STK32B: variants seen among roughly 807,000 people sequenced by gnomAD.
STK32B encodes serine/threonine-protein kinase 32B.
STK32B carries 43 observed loss-of-function variants against 52.6 expected under a neutral mutation model. The observed-to-expected ratio is 0.82, with a 90% CI of 0.64 to 1.05. STK32B has a LOEUF of 1.05. STK32B is among the 50% of genes least tolerant of loss of function. The pLI is 0.00. For missense variants in STK32B, 621 were observed against 534.6 expected (o/e 1.16, Z -1.59); for synonymous variants, 238 against 204.3 (o/e 1.17, Z -1.41).
intron 4 of STK32B, among the ~76,000 whole-genome samples, chr4:5,345,050 A>T (rs77356069): frequency 0.065 from 9,559 of 147,008 alleles, 449 homozygotes; most frequent in East Asian, 0.17. Context: ...TAATATAATT[A>T]AAAAAAAAAA....
Position 5,319,934 on chromosome 4 carries a change from T to C in STK32B, c.261-11286T>C, listed in dbSNP as rs140090241. On this transcript the variant is annotated intron_variant, in intron 3 of 11. Coordinates refer to ENST00000282908, the MANE Select transcript of STK32B (RefSeq NM_018401.3). Reference sequence around the variant, plus strand: ...CCTTGCCCCACTTAGCCATGTCTTATGTGGATGCAACTTACTGAGAAACCT... The same window carrying C: ...CCTTGCCCCACTTAGCCATGTCTTACGTGGATGCAACTTACTGAGAAACCT... Among the ~76,000 whole-genome samples, 185 of 152,246 alleles carry C rather than the reference T, an allele frequency of 1.2e-3. 4 individuals carry two copies. The East Asian group carries it at 0.033, about 27-fold the overall frequency.
At chr4:5,153,365 T>C (rs1251210090) in intron 2 of STK32B, among the ~76,000 whole-genome samples, 1 of 152,114 alleles carries the variant, frequency 6.6e-6, no homozygotes, top group East Asian at 1.9e-4. Context: ...AAAGTAATGA[T>C]TATAATGGAT....
chr4:5,340,791 A>G (rs1733023136), intron 4 of STK32B, among the ~76,000 whole-genome samples: 2 of 152,242 alleles, frequency 1.3e-5, no homozygotes, highest in African/African-American at 4.8e-5. Flanking sequence ...GTATATATGC[A>G]CATGGGGTAT....
At chr4:5,084,430 A>T (rs28713396) in intron 1 of STK32B, among the ~76,000 whole-genome samples, 5,985 of 152,276 alleles carry the variant, frequency 0.039, 384 homozygotes, top group African/African-American at 0.14. Context: ...AAATTATGAT[A>T]ATTCCCTAAA....
At chr4:5,330,004 T>G (rs1330860875) in intron 3 of STK32B, among the ~76,000 whole-genome samples, 1 of 152,172 alleles carries the variant, frequency 6.6e-6, no homozygotes, top group Non-Finnish European at 1.5e-5. Flanking sequence ...TGGAACATAG[T>G]GTGGGTGCAT....
At chr4:5,209,328 C>A (rs1722768594) in intron 3 of STK32B, among the ~76,000 whole-genome samples, 1 of 152,126 alleles carries the variant, frequency 6.6e-6, no homozygotes, top group South Asian at 2.1e-4. Context: ...TTCAAGTAAT[C>A]CTCCCACCTC....
At chr4:5,411,237 G>A (rs980238896) in intron 5 of STK32B, among the ~76,000 whole-genome samples, 22 of 151,972 alleles carry the variant, frequency 1.4e-4, no homozygotes, top group African/African-American at 4.8e-4. Flanking sequence ...GGGTTTCACT[G>A]TGTTAGCCAG....
chr4:5,140,540 G>A (rs1443568032), intron 2 of STK32B, among the ~76,000 whole-genome samples: 1 of 152,028 alleles, frequency 6.6e-6, no homozygotes, highest in African/African-American at 2.4e-5. Context: ...TTTACAGATG[G>A]AAAAGCTTAG....
rs193187103 is a variant in STK32B at position 5,125,698 on chromosome 4, C to T, written c.53-14207C>T. 1.4e-4 allele frequency among the ~76,000 whole-genome samples: 22 copies of T among 152,306 alleles called. No homozygotes were observed. The East Asian group carries it at 2.1e-3, about 15-fold the overall frequency. ...TGGTTTTCCTCTCTACTCTCATCCC[C>T]GCACCTCTGTTCTCTCACTTTCTAT... On this transcript the variant is annotated intron_variant, in intron 1 of 11. Transcript: ENST00000282908.
chr4:5,165,584 C>T (rs959661621), intron 2 of STK32B, among the ~76,000 whole-genome samples: 5 of 152,054 alleles, frequency 3.3e-5, no homozygotes, highest in African/African-American at 9.7e-5. Flanking sequence ...TCTGAGAAGG[C>T]GAATGAGAAG....
chr4:5,370,996 G>GTGTGTGTGTGTGTATA (rs570241863), intron 4 of STK32B, among the ~76,000 whole-genome samples: 4 of 141,066 alleles, frequency 2.8e-5, no homozygotes, highest in Admixed American at 7.0e-5. Context: ...GTGTGTGTGT[G>GTGTGTGTGTGTGTATA]TATATATATA....
At chr4:5,035,626 C>T in the STK32B span, among the ~76,000 whole-genome samples, 4 of 152,078 alleles carry the variant, frequency 2.6e-5, no homozygotes, top group Non-Finnish European at 4.4e-5. Flanking sequence ...GATGAGGAGA[C>T]GGTGGAGACT....
intron 7 of STK32B, among the ~76,000 whole-genome samples, chr4:5,448,118 T>TTA (rs1399460822): frequency 1.3e-5 from 2 of 152,202 alleles, no homozygotes; most frequent in Non-Finnish European, 2.9e-5. Context: ...CAAATAAGTA[T>TTA]TATTTGTCAC....
intron 3 of STK32B, among the ~76,000 whole-genome samples, chr4:5,195,828 C>A (rs1721603979): frequency 6.6e-6 from 1 of 152,224 alleles, no homozygotes; most frequent in African/African-American, 2.4e-5. Context: ...CTGAGAACCA[C>A]CTGCACTATT....
chr4:5,165,813 G>C (rs932332056), intron 2 of STK32B, among the ~76,000 whole-genome samples: 1 of 152,092 alleles, frequency 6.6e-6, no homozygotes, highest in African/African-American at 2.4e-5. Flanking sequence ...GTGGGCCTTC[G>C]ACCTCATGCC....
intron 4 of STK32B, among the ~76,000 whole-genome samples, chr4:5,376,598 C>T (rs373948096): frequency 3.1e-3 from 470 of 152,190 alleles, no homozygotes; most frequent in Middle Eastern, 0.014. Context: ...TAAGGGCACA[C>T]GGATCCCTGG....
chr4:5,282,774 A>G (rs547281943), intron 3 of STK32B, among the ~76,000 whole-genome samples: 1 of 152,088 alleles, frequency 6.6e-6, no homozygotes, highest in South Asian at 2.1e-4. Context: ...GGGCAAGGGG[A>G]TAATTGATGT....
intron 11 of STK32B, among the ~76,000 whole-genome samples, chr4:5,493,448 G>A (rs558037469): frequency 2.7e-4 from 41 of 152,130 alleles, no homozygotes; most frequent in East Asian, 5.8e-4. Flanking sequence ...TTTTTATTGC[G>A]TGTATTTGAT....
intron 3 of STK32B, among the ~76,000 whole-genome samples, chr4:5,185,061 C>T (rs1034993694): frequency 2.0e-5 from 3 of 152,216 alleles, no homozygotes; most frequent in Non-Finnish European, 1.5e-5. Flanking sequence ...CGTGAGGACA[C>T]GGCCTTTTGG....
Sources: gnomAD v4.1 joint callset for allele counts (sites outside exome capture counted in the v4.1 genomes callset) on GRCh38, gnomAD v4.1.1 for gene constraint, MANE v1.5 for transcripts, NCBI Gene and HGNC (gene_info 2026-07-23, HGNC 2026-07-21) for gene names.